The following LIN7A variants were observed in gnomAD, a reference collection of about 807,000 sequenced individuals.
LIN7A encodes protein lin-7 homolog A.
In LIN7A, 25 loss-of-function variants were observed where a neutral mutation model predicts 29.8. The ratio of observed to expected loss-of-function variants is 0.84; its 90% CI spans 0.61 to 1.17. The LOEUF (loss-of-function observed/expected upper bound fraction) is 1.17, where lower values mean the gene tolerates loss of function less well. Among genes scored for constraint, LIN7A ranks in the 50% most tolerant of loss-of-function variants. The probability of loss-of-function intolerance (pLI) is 0.00; values close to 1 mark genes in which losing one functional copy is unlikely to be tolerated. For synonymous variants in LIN7A, 118 were observed against 107.5 expected, an observed-to-expected ratio of 1.10 and a Z score of -0.60; for missense variants, 239 against 287.0, an observed-to-expected ratio of 0.83 and a Z score of 1.21.
At chr12:80,883,108 C>G (rs1359630098) in intron 2 of LIN7A, among the ~76,000 whole-genome samples, 2 of 151,446 alleles carry the variant, frequency 1.3e-5, no homozygotes, top group Non-Finnish European at 2.9e-5. Flanking sequence ...TCTTCTTTTT[C>G]CTTCTTCTGT....
rs566297541 is a variant in LIN7A at position 80,795,986 on chromosome 12, A to G, written c.*1741T>C. 6.6e-6 allele frequency: 1 copy of G among 152,282 alleles called. No individual in the cohort carries two copies. Among genetic ancestry groups the G allele is most frequent in the East Asian group, 1.9e-4 (1 of 5,182 alleles). The allele number at this position is 152,282 out of a possible 1,614,324, so 9.4% of individuals were successfully genotyped here. On this transcript the variant is annotated 3_prime_UTR_variant, in exon 6 of 6. Transcript: ENST00000552864. ...CAGGGGTGTATTGTTGAAATTAGCA[A>G]ATGTCCTAGTTTTCTTGCTGTTTTT...
At chr12:80,883,274 A>G (rs140224906) in intron 2 of LIN7A, among the ~76,000 whole-genome samples, 1 of 152,232 alleles carries the variant, frequency 6.6e-6, no homozygotes, top group East Asian at 1.9e-4. Context: ...AAGTTGTATC[A>G]CCCAACCAAG....
At chr12:80,804,520 A>C (rs905229591) in intron 5 of LIN7A, among the ~76,000 whole-genome samples, 1 of 150,420 alleles carries the variant, frequency 6.6e-6, no homozygotes, top group Non-Finnish European at 1.5e-5. Flanking sequence ...AATGATCTCC[A>C]TGTTATTGCA....
chr12:80,933,531 C>T (rs1168678677), intron 1 of LIN7A, among the ~76,000 whole-genome samples: 12 of 152,188 alleles, frequency 7.9e-5, no homozygotes, highest in Non-Finnish European at 1.8e-4. Context: ...TCTATTCCAA[C>T]CACATGTTTA....
chr12:80,882,287 C>CTT lies in LIN7A; in HGVS notation c.201+6962_201+6963dup, dbSNP rs56000415. Among the ~76,000 whole-genome samples the CTT allele has an allele frequency of 3.1e-4, 27 of 87,696 alleles. 6 individuals are homozygous for CTT. The highest frequency in any genetic ancestry group is 4.6e-4 in the Non-Finnish European group (16 of 35,014). 57.5% of individuals were successfully genotyped at this position (87,696 alleles called of 152,430 possible). ...ACAGTACTATCATTTTTCTTTCATT[C>CTT]TTTTTTTTTTTTTTTGAGACGGAGT... is the stretch of plus-strand genomic sequence containing the variant. On this transcript the variant is annotated intron_variant, in intron 2 of 5. Coordinates refer to ENST00000552864, the MANE Select transcript of LIN7A (RefSeq NM_004664.4).
At chr12:80,819,602 A>G (rs1338090520) in intron 4 of LIN7A, among the ~76,000 whole-genome samples, 1 of 152,224 alleles carries the variant, frequency 6.6e-6, no homozygotes, top group African/African-American at 2.4e-5. Flanking sequence ...AAAGTCTTAT[A>G]GGCTAAGGAA....
At position 80,811,541 on chromosome 12, in the gene LIN7A, C is replaced by T. The variant is rs775426650; in HGVS notation, c.626G>A (p.Arg209Gln). ...CTGAATTAGCAATTGCTGCTGCTGCCGACGCCTGGCTGTTCGTAGCTTTTC... is the reference window on the plus strand; with the variant it reads ...CTGAATTAGCAATTGCTGCTGCTGCTGACGCCTGGCTGTTCGTAGCTTTTC... The part of the protein sequence containing the change: ...RFEKLRTARR[R>Q]QQQQLLIQQQ... Residue 209 changes from arginine to glutamine, a missense_variant, in exon 5 of 6, where the codon CGG (arginine) becomes CAG (glutamine). By Grantham distance (43) the Arg-to-Gln change is conservative. Transcript: ENST00000552864. 17 of 1,613,028 alleles carry T rather than the reference C, an allele frequency of 1.1e-5. No individual in the cohort carries two copies. Among genetic ancestry groups the T allele is most frequent in the East Asian group, 2.2e-5 (1 of 44,840 alleles).
intron 2 of LIN7A, among the ~76,000 whole-genome samples, chr12:80,876,078 C>G (rs2400845): frequency 0.67 from 99,681 of 147,722 alleles, 37,555 homozygotes; most frequent in Non-Finnish European, 0.87. Context: ...CACACACACA[C>G]ACAGAGAGAG....
At chr12:80,913,154 T>C (rs1011556611) in intron 1 of LIN7A, among the ~76,000 whole-genome samples, 41 of 152,238 alleles carry the variant, frequency 2.7e-4, no homozygotes, top group Non-Finnish European at 5.7e-4. Flanking sequence ...CCAGACTCCA[T>C]ATTCTGACCT....
intron 5 of LIN7A, among the ~76,000 whole-genome samples, chr12:80,809,715 C>T (rs961862321): frequency 2.0e-5 from 3 of 152,132 alleles, no homozygotes; most frequent in Admixed American, 2.0e-4. Context: ...ATAGTAGGAA[C>T]TTCTAAGATG....
chr12:80,860,517 G>T (rs1394750006), intron 2 of LIN7A, among the ~76,000 whole-genome samples: 1 of 152,224 alleles, frequency 6.6e-6, no homozygotes. Context: ...TGTCTGTTCT[G>T]ATAGAGATCA....
At chr12:80,884,428 T>G (rs1265919785) in intron 2 of LIN7A, among the ~76,000 whole-genome samples, 1 of 152,162 alleles carries the variant, frequency 6.6e-6, no homozygotes, top group African/African-American at 2.4e-5. Context: ...AGAGTCTCTA[T>G]TTTTTATTTT....
intron 5 of LIN7A, among the ~76,000 whole-genome samples, chr12:80,806,022 G>A (rs1565883277): frequency 6.6e-6 from 1 of 151,530 alleles, no homozygotes; most frequent in South Asian, 2.1e-4. Context: ...AGGTTGCAGT[G>A]AGCTGAGATC....
intron 4 of LIN7A, among the ~76,000 whole-genome samples, chr12:80,823,771 C>T (rs79297852): frequency 0.098 from 14,922 of 152,200 alleles, 794 homozygotes; most frequent in East Asian, 0.19. Context: ...TGCTTCTGAA[C>T]GATTGTTGGG....
intron 1 of LIN7A, among the ~76,000 whole-genome samples, chr12:80,904,871 G>T (rs921528619): frequency 1.3e-5 from 2 of 151,872 alleles, no homozygotes; most frequent in Non-Finnish European, 2.9e-5. Flanking sequence ...TAATAGTTTT[G>T]TGCATGAAAC....
chr12:80,922,086 C>A (rs886423391), intron 1 of LIN7A, among the ~76,000 whole-genome samples: 2 of 152,184 alleles, frequency 1.3e-5, no homozygotes, highest in Non-Finnish European at 2.9e-5. Context: ...GAAATAAATC[C>A]TATGCTTAGG....
intron 1 of LIN7A, among the ~76,000 whole-genome samples, chr12:80,900,640 T>C (rs948455830): frequency 6.6e-6 from 1 of 152,210 alleles, no homozygotes; most frequent in Non-Finnish European, 1.5e-5. Context: ...GATATGATGT[T>C]GGTTTTTTAA....
chr12:80,926,681 GCACTT>G (rs1241021865), intron 1 of LIN7A, among the ~76,000 whole-genome samples: 6 of 152,096 alleles, frequency 3.9e-5, no homozygotes, highest in African/African-American at 1.2e-4. Flanking sequence ...GACAATCCCA[GCACTT>G]TGGGAGGCCG....
intron 4 of LIN7A, among the ~76,000 whole-genome samples, chr12:80,826,408 T>A (rs566036084): frequency 6.2e-4 from 94 of 152,348 alleles, no homozygotes; most frequent in African/African-American, 2.2e-3. Flanking sequence ...CTGGTTGATA[T>A]TAATGCGTCA....
Sources: gnomAD v4.1 joint callset for allele counts (sites outside exome capture counted in the v4.1 genomes callset) on GRCh38, gnomAD v4.1.1 for gene constraint, MANE v1.5 for transcripts, NCBI Gene and HGNC (gene_info 2026-07-23, HGNC 2026-07-21) for gene names.